The following XCR1 variants were observed in gnomAD, a reference collection of about 807,000 sequenced individuals.
XCR1 encodes X-C motif chemokine receptor 1.
For synonymous variants in XCR1, 187 were observed against 188.5 expected (o/e 0.99, Z 0.06); for missense variants, 356 against 424.2 (o/e 0.84, Z 1.41).
intron 1 of XCR1, among the ~76,000 whole-genome samples, chr3:46,078,933 A>G (rs1181943864): frequency 2.0e-5 from 3 of 152,206 alleles, no homozygotes; most frequent in Non-Finnish European, 2.9e-5. Context: ...GATCATCTGC[A>G]TGGGCATAAA....
chr3:46,037,397 G>C (rs1371479695), intron 5 of XCR1, among the ~76,000 whole-genome samples: 1 of 151,980 alleles, frequency 6.6e-6, no homozygotes, highest in Non-Finnish European at 1.5e-5. Flanking sequence ...ATAAAGAAAA[G>C]AGAAAAATAT....
In XCR1 at chr3:46,021,922, C is replaced by T; in HGVS notation, c.26G>A (p.Ser9Asn). Residue 9 changes from serine to asparagine, a missense_variant, in exon 2 of 2, where the codon AGC (serine) becomes AAC (asparagine). Coordinates refer to ENST00000309285, the MANE Select transcript of XCR1 (RefSeq NM_001024644.2). This position sits in a 1 kb window ranked among gnomAD's most constrained non-coding sequence, Gnocchi z 4.7. Reference sequence around the variant, plus strand: ...AAGGTCATAGTAAAAAAAGGTGGTGCTCTCTGGGTTGCCTGAGGACTCCAT... The same window carrying T: ...AAGGTCATAGTAAAAAAAGGTGGTGTTCTCTGGGTTGCCTGAGGACTCCAT... MESSGNPESTTFFYYDLQS... is the reference protein window; with the variant it reads MESSGNPENTTFFYYDLQS... 1 of 1,613,024 alleles carries T rather than the reference C, an allele frequency of 6.2e-7. No homozygotes were observed. Among genetic ancestry groups the T allele is most frequent in the Non-Finnish European group, 8.5e-7 (1 of 1,179,408 alleles).
At chr3:46,031,911 T>G (rs1708401701), upstream of XCR1, among the ~76,000 whole-genome samples, 1 of 152,168 alleles carries the variant, frequency 6.6e-6, no homozygotes, top group Non-Finnish European at 1.5e-5. Flanking sequence ...TGGGATAACC[T>G]GCCTGCAGAG....
intron 5 of XCR1, among the ~76,000 whole-genome samples, chr3:46,053,446 C>G (rs961649698): frequency 6.6e-6 from 1 of 151,824 alleles, no homozygotes; most frequent in South Asian, 2.1e-4. Flanking sequence ...CTGGAGGGGG[C>G]GGTATAGGCC....
At chr3:46,063,452 C>T (rs1296896427) in intron 4 of XCR1, among the ~76,000 whole-genome samples, 2 of 152,174 alleles carry the variant, frequency 1.3e-5, no homozygotes, top group Admixed American at 1.3e-4. Flanking sequence ...ACTCCACTTT[C>T]TTTTTCCCCC....
intron 5 of XCR1, among the ~76,000 whole-genome samples, chr3:46,039,486 A>G: frequency 6.6e-6 from 1 of 152,218 alleles, no homozygotes; most frequent in East Asian, 1.9e-4. Flanking sequence ...ACACCAAATC[A>G]CAATGTTTTA....
intron 5 of XCR1, among the ~76,000 whole-genome samples, chr3:46,050,802 A>G (rs1398769436): frequency 2.0e-5 from 3 of 152,232 alleles, no homozygotes; most frequent in Non-Finnish European, 4.4e-5. Flanking sequence ...CTATAATTAC[A>G]AGAGGCCAGT....
chr3:46,078,196 A>C (rs1363362977), intron 1 of XCR1, among the ~76,000 whole-genome samples: 1 of 152,164 alleles, frequency 6.6e-6, no homozygotes, highest in African/African-American at 2.4e-5. Context: ...GGCTCAAGTA[A>C]AGTCTTCAAA....
Position 46,079,793 on chromosome 3 carries a change from T to A in XCR1, c.-514-2867A>T, listed in dbSNP as rs945716564. 1.1e-4 allele frequency among the ~76,000 whole-genome samples: 17 copies of A among 152,334 alleles called. 1 individual carries two copies. The East Asian group carries it at 3.1e-3, about 28-fold the overall frequency. ...GGTTTGCAGAACAATCTGCTTTAATTGTCCAGACTTATAAGCCCAGATATT... is the reference window on the plus strand; with the variant it reads ...GGTTTGCAGAACAATCTGCTTTAATAGTCCAGACTTATAAGCCCAGATATT... On this transcript the variant is annotated intron_variant, in intron 1 of 5. Transcript: ENST00000683768.
intron 5 of XCR1, among the ~76,000 whole-genome samples, chr3:46,048,609 C>T (rs918469982): frequency 3.3e-5 from 5 of 152,166 alleles, no homozygotes; most frequent in East Asian, 1.9e-4. Flanking sequence ...GGCACCCACA[C>T]GGCTTGTCCA....
At chr3:46,075,563 C>T (rs2125903673) in intron 2 of XCR1, among the ~76,000 whole-genome samples, 1 of 151,942 alleles carries the variant, frequency 6.6e-6, no homozygotes, top group East Asian at 1.9e-4. Flanking sequence ...AAACATTTGC[C>T]CTGCAAAAGG....
At chr3:46,079,768 G>C (rs1290409318) in intron 1 of XCR1, among the ~76,000 whole-genome samples, 1 of 152,146 alleles carries the variant, frequency 6.6e-6, no homozygotes, top group Non-Finnish European at 1.5e-5. Flanking sequence ...GATCCCATAG[G>C]GTTTGCAGAA....
rs1275718409 is a variant in XCR1, at chr3:46,079,033, CTT to C, written c.-514-2109_-514-2108del. 2.0e-5 allele frequency among the ~76,000 whole-genome samples: 3 copies of C among 152,328 alleles called. No homozygotes were observed. In the East Asian group the frequency reaches 5.8e-4, roughly 29 times the overall value. On this transcript the variant is annotated intron_variant, in intron 1 of 5. Transcript: ENST00000683768. ...GACAACGTAAGAGAGCAACTCATGA[CTT>C]TTGGGTGACACCTAGAGGAGCAGTG... is the stretch of plus-strand genomic sequence containing the variant.
chr3:46,032,357 G>C (rs1326639507), upstream of XCR1, among the ~76,000 whole-genome samples: 1 of 152,188 alleles, frequency 6.6e-6, no homozygotes, highest in African/African-American at 2.4e-5. Flanking sequence ...GGTGCATCTG[G>C]TCCAGCCATA....
chr3:46,024,269 C>T, intron 1 of XCR1: 2 of 305,790 alleles, frequency 6.5e-6, no homozygotes, highest in Middle Eastern at 4.2e-4. Context: ...CATCCTGGTC[C>T]CGGAAATGTT....
chr3:46,076,413 T>C (rs891060317), intron 2 of XCR1, among the ~76,000 whole-genome samples: 3 of 152,194 alleles, frequency 2.0e-5, no homozygotes, highest in East Asian at 1.9e-4. Context: ...TGGCCCCACA[T>C]TGGCTCAAGT....
chr3:46,078,882 C>A (rs1490739820), intron 1 of XCR1, among the ~76,000 whole-genome samples: 3 of 152,052 alleles, frequency 2.0e-5, no homozygotes, highest in Admixed American at 1.3e-4. Flanking sequence ...AAAGGACGCT[C>A]GTAGGGTATT....
chr3:46,039,700 C>T (rs543194040), intron 5 of XCR1, among the ~76,000 whole-genome samples: 5 of 152,226 alleles, frequency 3.3e-5, no homozygotes, highest in South Asian at 4.1e-4. Flanking sequence ...TTTCCTAAGA[C>T]GCAGGTTCAG....
At chr3:46,026,851 G>T (rs1199794622) in intron 1 of XCR1, among the ~76,000 whole-genome samples, 1 of 151,396 alleles carries the variant, frequency 6.6e-6, no homozygotes, top group Non-Finnish European at 1.5e-5. Flanking sequence ...CAAAGTGCTG[G>T]GATTACAGGT....
Sources: allele counts gnomAD v4.1 joint callset (sites outside exome capture counted in the v4.1 genomes callset), GRCh38; gene constraint gnomAD v4.1.1; non-coding constraint Gnocchi (gnomAD v3.1); transcripts MANE v1.5; gene names NCBI Gene and HGNC (gene_info 2026-07-23, HGNC 2026-07-21).